The following BCKDHB variants were observed in gnomAD, a reference collection of about 807,000 sequenced individuals.
BCKDHB encodes branched chain keto acid dehydrogenase E1 subunit beta, also known as 2-oxoisovalerate dehydrogenase subunit beta, mitochondrial.
A neutral mutation model predicts 48.5 loss-of-function variants in BCKDHB; 41 were observed. The observed-to-expected ratio is 0.85, with a 90% CI of 0.66 to 1.10. The LOEUF is 1.10. Among genes scored for constraint, BCKDHB ranks in the 50% least tolerant of loss-of-function variants. BCKDHB has a pLI of 0.00. For missense variants in BCKDHB, 496 were observed against 494.2 expected (o/e 1.00, Z -0.03); for synonymous variants, 201 against 174.8 (o/e 1.15, Z -1.18).
chr6:80,169,962 A>G (rs1772820228), intron 5 of BCKDHB: 4 of 1,356,730 alleles, frequency 2.9e-6, no homozygotes, highest in Non-Finnish European at 3.8e-6. Context: ...TTATAACATT[A>G]TATTGTTTTT....
At chr6:80,331,751 C>A (rs1047282820) in intron 9 of BCKDHB, among the ~76,000 whole-genome samples, 1 of 152,200 alleles carries the variant, frequency 6.6e-6, no homozygotes, top group Non-Finnish European at 1.5e-5. Flanking sequence ...TAACAGTTAT[C>A]AGTTTGGCAC....
intron 6 of BCKDHB, among the ~76,000 whole-genome samples, chr6:80,199,044 G>C (rs1251541035): frequency 1.3e-5 from 2 of 152,128 alleles, no homozygotes; most frequent in Non-Finnish European, 2.9e-5. Flanking sequence ...ATTCTAGACA[G>C]TTACTGCTCT....
intron 8 of BCKDHB, among the ~76,000 whole-genome samples, chr6:80,227,045 A>G (rs529354596): frequency 1.2e-4 from 18 of 152,316 alleles, no homozygotes; most frequent in South Asian, 8.3e-4. Context: ...TAAAGGGTAA[A>G]CAAGAGTTTC....
At chr6:80,444,513 A>G in the BCKDHB span, among the ~76,000 whole-genome samples, 1 of 152,188 alleles carries the variant, frequency 6.6e-6, no homozygotes, top group African/African-American at 2.4e-5. Context: ...GTCTATTTAA[A>G]ATGATTTTAA....
At chr6:80,364,350 C>G in the BCKDHB span, among the ~76,000 whole-genome samples, 1 of 152,096 alleles carries the variant, frequency 6.6e-6, no homozygotes, top group Admixed American at 6.6e-5. Context: ...CAGGGAGGCA[C>G]AAATCATTCA....
At chr6:80,166,507 T>C (rs975254336) in intron 3 of BCKDHB, among the ~76,000 whole-genome samples, 5 of 151,808 alleles carry the variant, frequency 3.3e-5, no homozygotes, top group Non-Finnish European at 7.4e-5. Flanking sequence ...AATACAAAAA[T>C]TAGCTGGGTG....
the BCKDHB span, among the ~76,000 whole-genome samples, chr6:80,408,762 T>C: frequency 6.6e-6 from 1 of 151,530 alleles, no homozygotes; most frequent in Non-Finnish European, 1.5e-5. Context: ...TCTTTATTAG[T>C]GTTGCTAGCG....
intron 6 of BCKDHB, among the ~76,000 whole-genome samples, chr6:80,180,048 C>A (rs192903669): frequency 2.2e-4 from 34 of 152,286 alleles, no homozygotes; most frequent in Admixed American, 2.2e-3. Flanking sequence ...TCTGTGCAAA[C>A]CTCTGGGCTG....
intron 9 of BCKDHB, among the ~76,000 whole-genome samples, chr6:80,275,644 A>G (rs1266563724): frequency 6.6e-6 from 1 of 152,028 alleles, no homozygotes; most frequent in Non-Finnish European, 1.5e-5. Flanking sequence ...CTACTGATAA[A>G]GAAGATTAGA....
chr6:80,220,216 A>T (rs866837708), intron 8 of BCKDHB, among the ~76,000 whole-genome samples: 1 of 138,478 alleles, frequency 7.2e-6, no homozygotes, highest in African/African-American at 2.7e-5. Context: ...TATTTCCTTT[A>T]TTGTATCATT....
chr6:80,374,500 T>C, the BCKDHB span: 1 of 743,970 alleles, frequency 1.3e-6, no homozygotes, highest in Non-Finnish European at 2.5e-6. Flanking sequence ...TTAAGGTGAA[T>C]ACAAAGATTG....
the BCKDHB span, among the ~76,000 whole-genome samples, chr6:80,410,668 T>C: frequency 6.6e-6 from 1 of 152,226 alleles, no homozygotes; most frequent in Non-Finnish European, 1.5e-5. Flanking sequence ...TCTAATCTTG[T>C]CTTCTCACTT....
the BCKDHB span, among the ~76,000 whole-genome samples, chr6:80,411,096 G>C: frequency 6.6e-6 from 1 of 152,096 alleles, no homozygotes; most frequent in Admixed American, 6.5e-5. Context: ...TCTACCTTTG[G>C]TCTTTGATGT....
chr6:80,114,450 T>C (rs1769578153), intron 1 of BCKDHB, among the ~76,000 whole-genome samples: 2 of 152,040 alleles, frequency 1.3e-5, no homozygotes, highest in Admixed American at 6.6e-5. Context: ...GGTTTCACCA[T>C]GTTGCCCAGG....
intron 8 of BCKDHB, among the ~76,000 whole-genome samples, chr6:80,227,750 G>T (rs765617680): frequency 2.2e-4 from 33 of 152,138 alleles, no homozygotes; most frequent in Non-Finnish European, 3.8e-4. Context: ...TGTTGAGCTT[G>T]AGGTAACAGT....
At chr6:80,397,505 G>A in the BCKDHB span, among the ~76,000 whole-genome samples, 2 of 152,126 alleles carry the variant, frequency 1.3e-5, no homozygotes, top group Non-Finnish European at 2.9e-5. Flanking sequence ...AGTCATAAAT[G>A]TGTCTATTCA....
intron 6 of BCKDHB, among the ~76,000 whole-genome samples, chr6:80,193,719 C>CAA (rs61317782): frequency 2.1e-4 from 13 of 61,188 alleles, no homozygotes; most frequent in South Asian, 6.2e-4. Flanking sequence ...GACTCTGTCT[C>CAA]AAAAAAAAAA....
chr6:80,456,919 T>C, the BCKDHB span, among the ~76,000 whole-genome samples: 13 of 152,238 alleles, frequency 8.5e-5, no homozygotes, highest in Non-Finnish European at 1.6e-4. Context: ...GAGGAAAATA[T>C]GAGTTCATTA....
intron 9 of BCKDHB, among the ~76,000 whole-genome samples, chr6:80,308,857 A>G (rs1027937832): frequency 6.6e-6 from 1 of 151,556 alleles, no homozygotes; most frequent in Non-Finnish European, 1.5e-5. Context: ...GCTGGGTTAC[A>G]GGTGTCAGCC....
Sources: gnomAD v4.1 joint callset for allele counts (sites outside exome capture counted in the v4.1 genomes callset) on GRCh38, gnomAD v4.1.1 for gene constraint, MANE v1.5 for transcripts, NCBI Gene and HGNC (gene_info 2026-07-23, HGNC 2026-07-21) for gene names.